SEC14L3: variants seen among roughly 807,000 people sequenced by gnomAD.
The protein encoded by SEC14L3 is SEC14 like lipid binding 3, also known as SEC14-like protein 3.
In SEC14L3, 56 loss-of-function variants were observed where a neutral mutation model predicts 57.4. The ratio of observed to expected loss-of-function variants is 0.97; its 90% confidence interval spans 0.79 to 1.22. The LOEUF is 1.22. SEC14L3 is among the 50% of genes most tolerant of loss of function. The pLI is 0.00. For synonymous variants in SEC14L3, 173 were observed against 194.4 expected (o/e 0.89, Z 0.92); for missense variants, 485 against 511.7 (o/e 0.95, Z 0.50).
At chr22:30,452,032 G>GA (rs1411398100) in intron 12 of SEC14L3, among the ~76,000 whole-genome samples, 4 of 119,630 alleles carry the variant, frequency 3.3e-5, no homozygotes, top group Admixed American at 1.6e-4. Context: ...GAAAAGAAAA[G>GA]AAAAGAAAGA....
downstream of SEC14L3, among the ~76,000 whole-genome samples, chr22:30,456,460 C>T (rs891785540): frequency 6.6e-6 from 1 of 151,972 alleles, no homozygotes; most frequent in Admixed American, 6.6e-5. Context: ...CTTCAGGAAG[C>T]GTTTACTCAT....
downstream of SEC14L3, among the ~76,000 whole-genome samples, chr22:30,455,288 G>A (rs997673309): frequency 3.6e-5 from 5 of 137,434 alleles, no homozygotes; most frequent in Non-Finnish European, 6.1e-5. Flanking sequence ...AGTCTCTGTC[G>A]CCCAGGCTGG....
Position 30,468,509 on chromosome 22 carries a change from C to G in SEC14L3, c.422G>C (p.Arg141Thr). ...ILHECDLQTE[R>T]LGKKIETIVM... ...CACCCCACCTGGCCTGGACCTCACC[C>G]TCTCTGTCTGCAGGTCACACTCATG... The change falls in exon 5 of 12, where the codon AGG becomes ACG. Residue 141 changes from arginine (R) to threonine (T), a missense_variant and splice_region_variant. Transcript: ENST00000215812. 2 of 1,609,696 alleles carry G rather than the reference C, an allele frequency of 1.2e-6. No individual in the cohort carries two copies. Among genetic ancestry groups the G allele is most frequent in the Non-Finnish European group, 1.7e-6 (2 of 1,176,608 alleles).
At chr22:30,454,606 ATATTATTAGATATAATCTATAATAT>A (rs1935053937), downstream of SEC14L3, among the ~76,000 whole-genome samples, 1 of 115,340 alleles carries the variant, frequency 8.7e-6, no homozygotes, top group African/African-American at 3.4e-5. Context: ...ATAATCTATA[ATATTATTAGATATAATCTATAATAT>A]TATTAGATAT....
Position 30,459,293 on chromosome 22 carries a change from T to TA in SEC14L3, c.*727dup, listed in dbSNP as rs1360470444. ...CTGCCTTTGCTTCCAGGAAAGTCCC[T>TA]AAAACATAAGCTATGTGCAACAAGG... On this transcript the variant is annotated 3_prime_UTR_variant, in exon 12 of 12. Transcript: ENST00000215812. The TA allele has an allele frequency of 1.0e-6, 1 of 985,308 alleles. No homozygotes were observed. Among genetic ancestry groups the TA allele is most frequent in the Non-Finnish European group, 1.2e-6 (1 of 829,934 alleles). The allele number at this position is 985,308 out of a possible 1,614,324, so 61.0% of individuals were successfully genotyped here. A position where few individuals can be genotyped will look rare whatever the true frequency, so the allele number is the denominator to read the frequency against.
chr22:30,454,876 T>C (rs1280342370), downstream of SEC14L3, among the ~76,000 whole-genome samples: 3 of 20,144 alleles, frequency 1.5e-4, 1 homozygote, highest in African/African-American at 1.1e-3. Flanking sequence ...ATACATAATA[T>C]ATTATTATAT....
At position 30,450,634 on chromosome 22, in the gene SEC14L3, C is replaced by T. The variant is rs550273193; in HGVS notation, c.905-1390G>A. Among the ~76,000 whole-genome samples, 11 of 152,222 alleles carry T rather than the reference C, an allele frequency of 7.2e-5. No individual in the cohort carries two copies. In the South Asian group the frequency reaches 1.9e-3, roughly 26 times the overall value. ...CCTATTTTTACAACATCTCCTCATA[C>T]AAGTAAGACCTCTCCGTTTCAAGTT... On this transcript the variant is annotated intron_variant, in intron 12 of 12. Coordinates refer to the SEC14L3 transcript ENST00000403066.
intron 8 of SEC14L3, among the ~76,000 whole-genome samples, chr22:30,463,027 G>A (rs1306504871): frequency 2.6e-5 from 4 of 152,150 alleles, no homozygotes; most frequent in Non-Finnish European, 5.9e-5. Flanking sequence ...GAGCCACCAC[G>A]CCCAGCCAAC....
chr22:30,459,950 G>A lies in SEC14L3; in HGVS notation c.*71C>T. 6 of 1,564,490 alleles carry A rather than the reference G, an allele frequency of 3.8e-6. No homozygotes were observed. Among genetic ancestry groups the A allele is most frequent in the Non-Finnish European group, 5.2e-6 (6 of 1,151,296 alleles). Reference sequence around the variant, plus strand: ...AGGAGGACTAACAATCAATTTCAGGGAGGGAGGGAGTGTAGGATATAAACA... The same window carrying A: ...AGGAGGACTAACAATCAATTTCAGGAAGGGAGGGAGTGTAGGATATAAACA... On this transcript the variant is annotated 3_prime_UTR_variant, in exon 12 of 12. Transcript: ENST00000215812.
Position 30,461,601 on chromosome 22 carries a change from A to G in SEC14L3, c.865T>C (p.Ser289Pro). 6.8e-6 allele frequency: 11 copies of G among 1,613,944 alleles called. No homozygotes were observed. The highest frequency in any genetic ancestry group is 9.3e-6 in the Non-Finnish European group (11 of 1,180,002). The change falls in exon 10 of 12, where the codon TCA becomes CCA. Residue 289 changes from serine (S) to proline (P), a missense_variant. Physicochemically the swap from Ser to Pro is moderately conservative, Grantham distance 74. Transcript: ENST00000215812. ...AGGATCTCGTATTCCACTTGGTGTG[A>G]TGAGCCGCGGTTGATCTGCACCGAG... ...EHSVQINRGS[S>P]HQVEYEILFP...
chr22:30,461,812 C>A (rs1935276199), intron 9 of SEC14L3, 118 bp from the exon 10 acceptor site: 1 of 1,389,686 alleles, frequency 7.2e-7, no homozygotes, highest in African/African-American at 1.4e-5. Flanking sequence ...GCCCCACTCT[C>A]CCACCTCCTC....
chr22:30,454,877 ATTATT>A (rs1569225359), downstream of SEC14L3, among the ~76,000 whole-genome samples: 30 of 20,380 alleles, frequency 1.5e-3, 3 homozygotes, highest in East Asian at 0.083. Context: ...TACATAATAT[ATTATT>A]ATATATTATA....
At chr22:30,455,053 AATATATT>A (rs1569225530), downstream of SEC14L3, among the ~76,000 whole-genome samples, 1 of 61,814 alleles carries the variant, frequency 1.6e-5, no homozygotes, top group Non-Finnish European at 2.4e-5. Context: ...ATAGATATAC[AATATATT>A]ATATATAATA....
chr22:30,471,084 A>G, intron 1 of SEC14L3: 1 of 330,942 alleles, frequency 3.0e-6, no homozygotes, highest in Non-Finnish European at 5.8e-6. Flanking sequence ...CAGGAGTTTG[A>G]GACCAGCCTG....
Position 30,461,669 on chromosome 22 carries a change from T to C in SEC14L3, c.797A>G (p.Lys266Arg), listed in dbSNP as rs1169951487. The part of the protein sequence containing the change: ...TKINYGGEIP[K>R]SMYVRDQVKT... ...CACCTGGTCCCGCACGTACATGGAC[T>C]TGGGGATCTCCCCGCCATAGTTAAT... Residue 266 changes from lysine to arginine, a missense_variant, in exon 10 of 12, where the codon AAG becomes AGG. Lys to Arg is a conservative substitution (Grantham distance 26). Transcript: ENST00000215812. 5.0e-6 allele frequency: 8 copies of C among 1,607,616 alleles called. No individual in the cohort carries two copies. The highest frequency in any genetic ancestry group is 3.4e-5 in the Admixed American group (2 of 59,452).
chr22:30,467,351 CCATT>C (rs1199150813), intron 5 of SEC14L3, among the ~76,000 whole-genome samples: 1 of 150,642 alleles, frequency 6.6e-6, no homozygotes, highest in Non-Finnish European at 1.5e-5. Flanking sequence ...AACCATCCAT[CCATT>C]CATTCATATT....
At chr22:30,461,821 T>G in intron 9 of SEC14L3, 127 bp from the exon 10 acceptor site, 1 of 1,342,954 alleles carries the variant, frequency 7.4e-7, no homozygotes, top group Middle Eastern at 2.6e-4. Context: ...TCCCACCTCC[T>G]CAAGCCTTCT....
chr22:30,461,025 G>T (rs1053719610), intron 11 of SEC14L3, among the ~76,000 whole-genome samples: 1 of 152,004 alleles, frequency 6.6e-6, no homozygotes, highest in African/African-American at 2.4e-5. Context: ...TCAGAGCCTC[G>T]GTTTCCTCAT....
chr22:30,471,892 GA>G lies in SEC14L3; in HGVS notation c.54+12del. On this transcript the variant is annotated intron_variant, in intron 1 of 11. Coordinates refer to ENST00000215812, the MANE Select transcript of SEC14L3 (RefSeq NM_174975.5). ...CCCTGGTCTTCCGGAACTCCAGGGG[GA>G]GGGGCTCTCACCTTGGCCAGGGTCT... 1 of 1,613,398 alleles carries G rather than the reference GA, an allele frequency of 6.2e-7. No homozygotes were observed.
Sources: allele counts gnomAD v4.1 joint callset (sites outside exome capture counted in the v4.1 genomes callset), GRCh38; gene constraint gnomAD v4.1.1; transcripts MANE v1.5; gene names NCBI Gene and HGNC (gene_info 2026-07-23, HGNC 2026-07-21).